The following MMUT variants were observed in gnomAD, a reference collection of about 807,000 sequenced individuals.
MMUT encodes the protein methylmalonyl-CoA mutase, mitochondrial.
A neutral mutation model predicts 79.9 loss-of-function variants in MMUT; 79 were observed. That is an observed-to-expected ratio of 0.99 (90% confidence interval 0.82 to 1.19). The LOEUF (loss-of-function observed/expected upper bound fraction) is 1.19, where lower values mean the gene tolerates loss of function less well. Among genes scored for constraint, MMUT ranks in the 50% most tolerant of loss-of-function variants. The probability of loss-of-function intolerance (pLI) is 0.00; values close to 1 mark genes in which losing one functional copy is unlikely to be tolerated. For synonymous variants in MMUT, 273 were observed against 295.7 expected (o/e 0.92, Z 0.79); for missense variants, 860 against 917.2 (o/e 0.94, Z 0.81).
intron 6 of MMUT, among the ~76,000 whole-genome samples, chr6:49,450,017 G>A (rs1313833033): frequency 6.6e-6 from 1 of 151,996 alleles, no homozygotes; most frequent in Admixed American, 6.6e-5. Context: ...TGGATCACGA[G>A]GTCAGGAGTT....
chr6:49,444,431 T>C (rs548219796), intron 9 of MMUT, among the ~76,000 whole-genome samples: 4 of 152,106 alleles, frequency 2.6e-5, no homozygotes, highest in Non-Finnish European at 5.9e-5. Flanking sequence ...CACAGTAAAA[T>C]ACACAATTAT....
intron 9 of MMUT, among the ~76,000 whole-genome samples, chr6:49,442,217 A>G (rs1767294964): frequency 6.6e-6 from 1 of 152,128 alleles, no homozygotes; most frequent in African/African-American, 2.4e-5. Context: ...TGACTGAATG[A>G]CCTAATAATT....
In MMUT at chr6:49,456,075, C is replaced by T. The variant is rs756531131; in HGVS notation, c.911+5G>A. 2.5e-6 allele frequency: 4 copies of T among 1,610,062 alleles called. No individual in the cohort carries two copies. In the Admixed American group the frequency reaches 5.0e-5, roughly 20 times the overall value. On this transcript the variant is annotated splice_donor_5th_base_variant and intron_variant, in intron 4 of 12. Coordinates refer to ENST00000274813, the MANE Select transcript of MMUT (RefSeq NM_000255.4). ...TGAAACAATATCTAGGTTTAATTTA[C>T]TCACCTTGGTGCAAATTCATCAATT...
chr6:49,452,218 C>T (rs897889598), intron 5 of MMUT, among the ~76,000 whole-genome samples: 3 of 152,164 alleles, frequency 2.0e-5, no homozygotes, highest in Admixed American at 2.0e-4. Flanking sequence ...TCTCTCTGAA[C>T]TTCAGTTTCT....
chr6:49,461,810 C>T (rs532842346), intron 1 of MMUT, among the ~76,000 whole-genome samples: 1 of 152,182 alleles, frequency 6.6e-6, no homozygotes, highest in Non-Finnish European at 1.5e-5. Context: ...AATACTAGCA[C>T]GATTTTTATT....
chr6:49,440,408 G>A lies in MMUT; in HGVS notation c.1809-55C>T, dbSNP rs201489323. 69 of 1,557,094 alleles carry A rather than the reference G, an allele frequency of 4.4e-5. No homozygotes were observed. The East Asian group carries it at 1.4e-3, about 31-fold the overall frequency. On this transcript the variant is annotated intron_variant, in intron 10 of 12. Transcript: ENST00000274813. ...TTAGATACTAATTTTCCAAAGGGAA[G>A]ATATAAAAACTAATTTATTCACAGC...
chr6:49,441,592 GAT>G (rs1210851466), intron 10 of MMUT, among the ~76,000 whole-genome samples: 1 of 149,054 alleles, frequency 6.7e-6, no homozygotes, highest in Non-Finnish European at 1.5e-5. Flanking sequence ...CTATTAAAAT[GAT>G]AGTATAGATA....
intron 9 of MMUT, among the ~76,000 whole-genome samples, chr6:49,442,712 G>A (rs1165041683): frequency 2.0e-5 from 3 of 152,030 alleles, no homozygotes; most frequent in Admixed American, 6.6e-5. Flanking sequence ...CAGTAAGAGT[G>A]TTTGAAAAAG....
Position 49,459,923 on chromosome 6 carries a change from C to T in MMUT, c.-39-418G>A, listed in dbSNP as rs1250427794. On this transcript the variant is annotated intron_variant, in intron 1 of 12. Coordinates refer to ENST00000274813, the MANE Select transcript of MMUT (RefSeq NM_000255.4). The stretch of plus-strand genomic sequence containing the variant: ...CTTTTATTAAATATCAGTTTATGAC[C>T]GACATTATGTTGGGTAATAGAGAAA... 6.6e-5 allele frequency among the ~76,000 whole-genome samples: 10 copies of T among 152,088 alleles called. No individual in the cohort carries two copies. In the East Asian group the frequency reaches 7.7e-4, roughly 12 times the overall value.
intron 12 of MMUT, 37 bp downstream of exon 12, chr6:49,435,419 C>A (rs974278931): frequency 1.3e-6 from 2 of 1,566,874 alleles, no homozygotes; most frequent in South Asian, 1.1e-5. Context: ...ACTCAAGATT[C>A]CCATCACAGT....
Position 49,451,448 on chromosome 6 carries a change from C to T in MMUT, c.1332+18G>A. 1.9e-6 allele frequency: 3 copies of T among 1,613,016 alleles called. No individual in the cohort carries two copies. Among genetic ancestry groups the T allele is most frequent in the Non-Finnish European group, 1.7e-6 (2 of 1,179,440 alleles). The stretch of plus-strand genomic sequence containing the variant: ...TCTGTAAATTCTGAAAACAAAGTTG[C>T]AAAGTGGAAAAACTTACCTTTAAAG... On this transcript the variant is annotated intron_variant, in intron 6 of 12. Coordinates refer to ENST00000274813, the MANE Select transcript of MMUT (RefSeq NM_000255.4).
rs750300062 is a variant in MMUT at position 49,431,786 on chromosome 6, G to T, written c.2195C>A (p.Ala732Asp). Residue 732 changes from alanine to aspartate, a missense_variant, in exon 13 of 13, where the codon GCC (alanine) becomes GAC (aspartate). Transcript: ENST00000274813. The stretch of plus-strand genomic sequence containing the variant: ...CTCAATATCATCAAGCACCTGAACG[G>T]CAGCCTTTGGAATTCGAGTCCCAGG... ...FGPGTRIPKA[A>D]VQVLDDIEKC... is the part of the protein sequence containing the mutation. The T allele has an allele frequency of 1.2e-6, 2 of 1,613,876 alleles. No individual in the cohort carries two copies. Among genetic ancestry groups the T allele is most frequent in the Non-Finnish European group, 8.5e-7 (1 of 1,179,856 alleles).
chr6:49,452,915 T>G (rs1767588970), intron 5 of MMUT, among the ~76,000 whole-genome samples: 1 of 152,102 alleles, frequency 6.6e-6, no homozygotes, highest in South Asian at 2.1e-4. Context: ...TATGTATGTA[T>G]ATATAATTAA....
intron 12 of MMUT, among the ~76,000 whole-genome samples, chr6:49,433,380 C>T (rs1277366301): frequency 6.6e-6 from 1 of 152,208 alleles, no homozygotes; most frequent in Non-Finnish European, 1.5e-5. Flanking sequence ...TTATCTAACT[C>T]TTTCTTACAT....
intron 9 of MMUT, among the ~76,000 whole-genome samples, chr6:49,444,069 G>A (rs1767346500): frequency 6.6e-6 from 1 of 152,060 alleles, no homozygotes; most frequent in Non-Finnish European, 1.5e-5. Flanking sequence ...AAAATCAAAT[G>A]CAGTAGACCA....
At chr6:49,447,638 T>TAAA (rs56408395) in intron 8 of MMUT, 32 bp downstream of exon 8, 1,608 of 1,072,958 alleles carry the variant, frequency 1.5e-3, no homozygotes, top group African/African-American at 6.1e-3. Flanking sequence ...AGAAAATACT[T>TAAA]AAAAAAAAAA....
intron 4 of MMUT, 80 bp from the exon 5 acceptor site, chr6:49,453,836 C>T (rs1438153637): frequency 1.7e-6 from 2 of 1,210,176 alleles, no homozygotes; most frequent in African/African-American, 1.5e-5. Context: ...GTATCACACA[C>T]TAGAAAATCA....
chr6:49,442,734 A>C (rs1405444710), intron 9 of MMUT, among the ~76,000 whole-genome samples: 1 of 152,140 alleles, frequency 6.6e-6, no homozygotes, highest in East Asian at 1.9e-4. Flanking sequence ...AAGCACTAAA[A>C]GCAAAGGCTC....
intron 12 of MMUT, among the ~76,000 whole-genome samples, chr6:49,433,615 G>A (rs1767044281): frequency 6.6e-6 from 1 of 152,176 alleles, no homozygotes; most frequent in Non-Finnish European, 1.5e-5. Flanking sequence ...GGCGACTGCT[G>A]CTAAGAGAGT....
Sources: allele counts gnomAD v4.1 joint callset (sites outside exome capture counted in the v4.1 genomes callset), GRCh38; gene constraint gnomAD v4.1.1; transcripts MANE v1.5; gene names NCBI Gene and HGNC (gene_info 2026-07-23, HGNC 2026-07-21).